The following ZFYVE26 variants were observed in gnomAD, a reference collection of about 807,000 sequenced individuals.
ZFYVE26 encodes the protein zinc finger FYVE domain-containing protein 26.
Under a neutral mutation model 276.5 loss-of-function variants are expected in ZFYVE26, and 181 were observed. The observed-to-expected ratio is 0.65, with a 90% confidence interval of 0.58 to 0.74. The LOEUF is 0.74. Among genes scored for constraint, ZFYVE26 ranks in the 30% least tolerant of loss-of-function variants. The probability of loss-of-function intolerance (pLI) is 0.00; values close to 1 mark genes in which losing one functional copy is unlikely to be tolerated. For missense variants in ZFYVE26, 2,821 were observed against 3,097.9 expected (o/e 0.91, Z 2.12); for synonymous variants, 1,129 against 1,203.1 (o/e 0.94, Z 1.27).
Position 67,753,649 on chromosome 14 carries a change from C to T in ZFYVE26, c.7188+58G>A, listed in dbSNP as rs565275148. On this transcript the variant is annotated intron_variant, in intron 39 of 41. Coordinates refer to ENST00000347230, the MANE Select transcript of ZFYVE26 (RefSeq NM_015346.4). ...GAATTTCCTAAAGAATAATCTCTCCCGGAACTGTGGTCAGGTGCTGATTGT... is the reference window on the plus strand; with the variant it reads ...GAATTTCCTAAAGAATAATCTCTCCTGGAACTGTGGTCAGGTGCTGATTGT... The T allele has an allele frequency of 1.3e-4, 205 of 1,546,970 alleles. No individual in the cohort carries two copies. In the South Asian group the frequency reaches 1.7e-3, roughly 13 times the overall value.
At chr14:67,729,511 C>A in exon 14 of ZFYVE26, 1 of 847,702 alleles carries the variant, frequency 1.2e-6, no homozygotes, top group Non-Finnish European at 1.9e-6. Context: ...GGCCTGCAAA[C>A]AGAATGCCGT....
intron 8 of ZFYVE26, 37 bp downstream of exon 8, chr14:67,805,180 C>T: frequency 3.1e-6 from 5 of 1,598,488 alleles, no homozygotes; most frequent in Middle Eastern, 1.8e-4. Flanking sequence ...TCAGCTGTGC[C>T]CTGTGGTGGG....
rs1298379180 is a variant in ZFYVE26, at chr14:67,781,510, G to T, written c.4392C>A (p.Tyr1464Ter). Residue 1464 changes from tyrosine to a stop codon, truncating the protein, a stop_gained, in exon 22 of 42, where the codon TAC (tyrosine) becomes TAA (stop). Transcript: ENST00000347230. LOFTEE classifies it high-confidence loss of function. ...GAGATGCATCCTTCACGGGAAACAG[G>T]TATTGCCAACCTTCTTTGTCTATAA... ...AVACDKEGWQ[Y>*]LFPVKDASLR... is the part of the protein sequence containing the mutation. The T allele has an allele frequency of 3.1e-6, 5 of 1,614,028 alleles. No individual in the cohort carries two copies. Among genetic ancestry groups the T allele is most frequent in the Non-Finnish European group, 4.2e-6 (5 of 1,180,052 alleles).
intron 34 of ZFYVE26, chr14:67,761,952 A>G (rs1594891841): frequency 5.2e-6 from 3 of 572,486 alleles, no homozygotes; most frequent in East Asian, 6.1e-5. Context: ...GTATGGGATT[A>G]TATGTCATAT....
intron 13 of ZFYVE26, among the ~76,000 whole-genome samples, chr14:67,739,336 C>T (rs1032440245): frequency 1.3e-5 from 2 of 152,166 alleles, no homozygotes; most frequent in Non-Finnish European, 2.9e-5. Context: ...ATCTGGGTTG[C>T]TGATGACGTG....
At position 67,755,941 on chromosome 14, in the gene ZFYVE26, C is replaced by A. The variant is rs2140185324; in HGVS notation, c.6786+7G>T. 6.2e-7 allele frequency: 1 copy of A among 1,614,150 alleles called. No homozygotes were observed. Among genetic ancestry groups the A allele is most frequent in the Non-Finnish European group, 8.5e-7 (1 of 1,180,006 alleles). The stretch of plus-strand genomic sequence containing the variant: ...AGAGGTAGAAGGCAGGAAGGGGCTG[C>A]CATTACCTTCATAAACTGCTGCAGC... On this transcript the variant is annotated splice_region_variant and intron_variant, in intron 36 of 41. Transcript: ENST00000347230.
At chr14:67,808,413 T>C (rs2040229375) in intron 4 of ZFYVE26, among the ~76,000 whole-genome samples, 1 of 152,198 alleles carries the variant, frequency 6.6e-6, no homozygotes, top group Non-Finnish European at 1.5e-5. Context: ...CCTTCTCCAA[T>C]ACCTCCAACC....
Position 67,784,351 on chromosome 14 carries a change from T to C in ZFYVE26, c.3609A>G (p.Arg1203=). The C allele has an allele frequency of 6.2e-7, 1 of 1,614,078 alleles. No homozygotes were observed. The highest frequency in any genetic ancestry group is 2.2e-5 in the East Asian group (1 of 44,876). ...SQLVSHLLFE[R]QVPPERLAAL... ...GCTCCTACCTCTCTGGGGGAACTTG[T>C]CTCTCAAACAGGAGATGTGACACCA... Residue 1203 remains arginine (R), a synonymous_variant, in exon 20 of 42, where the codon AGA becomes AGG. Transcript: ENST00000347230.
chr14:67,754,263 C>T, intron 37 of ZFYVE26, 51 bp from the exon 38 acceptor site: 2 of 1,612,888 alleles, frequency 1.2e-6, no homozygotes, highest in Non-Finnish European at 1.7e-6. Context: ...CCCCAGGTGA[C>T]TGAGGCCAGG....
intron 3 of ZFYVE26, 140 bp from the exon 4 acceptor site, chr14:67,809,429 T>TA (rs2040251707): frequency 2.2e-5 from 15 of 670,598 alleles, no homozygotes; most frequent in Middle Eastern, 4.2e-4. Flanking sequence ...TTTTTTTTTT[T>TA]TTTTTTATTT....
At chr14:67,780,599 G>A (rs575989245) in intron 22 of ZFYVE26, among the ~76,000 whole-genome samples, 1 of 152,310 alleles carries the variant, frequency 6.6e-6, no homozygotes, top group African/African-American at 2.4e-5. Flanking sequence ...TGAAGACAGT[G>A]CTCTCATGCT....
At chr14:67,800,260 A>C (rs2040049378) in intron 10 of ZFYVE26, among the ~76,000 whole-genome samples, 2 of 152,228 alleles carry the variant, frequency 1.3e-5, no homozygotes, top group African/African-American at 4.8e-5. Context: ...GGATGAGAGA[A>C]AAGGGGAAAA....
chr14:67,805,437 T>G lies in ZFYVE26; in HGVS notation c.1182+17A>C. 6.2e-7 allele frequency: 1 copy of G among 1,614,168 alleles called. No individual in the cohort carries two copies. Among genetic ancestry groups the G allele is most frequent in the African/African-American group, 1.3e-5 (1 of 75,058 alleles). On this transcript the variant is annotated intron_variant, in intron 7 of 41. Coordinates refer to ENST00000347230, the MANE Select transcript of ZFYVE26 (RefSeq NM_015346.4). ...CTCTCACTTCCAGAGCAGCCTGGGA[T>G]GCTGAGTGAGAGTTACCTGGGTCCT... is the stretch of plus-strand genomic sequence containing the variant.
At position 67,798,715 on chromosome 14, in the gene ZFYVE26, G is replaced by C. The variant is rs1396283220; in HGVS notation, c.1640-93C>G. ...TTACCTCCCAGCGTCAAACATTCTC[G>C]CAACTTTAGCTCATTTATTTATTTT... On this transcript the variant is annotated intron_variant, in intron 10 of 41. Transcript: ENST00000347230. 7 of 1,486,322 alleles carry C rather than the reference G, an allele frequency of 4.7e-6. No individual in the cohort carries two copies. In the South Asian group the frequency reaches 5.8e-5, roughly 12 times the overall value. The allele number at this position is 1,486,322 out of a possible 1,614,324, so 92.1% of individuals were successfully genotyped here.
intron 8 of ZFYVE26, 58 bp downstream of exon 8, chr14:67,805,159 G>T: frequency 6.5e-7 from 1 of 1,531,686 alleles, no homozygotes; most frequent in Non-Finnish European, 9.0e-7. Context: ...CCACACATGC[G>T]GAGCACAGGG....
chr14:67,729,892 A>C (rs1165717276), intron 13 of ZFYVE26: 1 of 445,532 alleles, frequency 2.2e-6, no homozygotes, highest in Non-Finnish European at 4.5e-6. Flanking sequence ...AGAGTCTGGG[A>C]GTAAAGGGAA....
At chr14:67,796,260 AGGCTAGAGTCCAGT>A (rs2140240695) in intron 12 of ZFYVE26, 1 of 149,170 alleles carries the variant, frequency 6.7e-6, no homozygotes, top group Admixed American at 6.7e-5. Context: ...TCTGTCACCC[AGGCTAGAGTCCAGT>A]GGCACAATCT....
intron 13 of ZFYVE26, chr14:67,734,147 G>A (rs1283377073): frequency 3.0e-6 from 1 of 332,320 alleles, no homozygotes; most frequent in Non-Finnish European, 5.9e-6. Flanking sequence ...TGGCAGAAGA[G>A]CCCGAGAAAT....
At position 67,783,372 on chromosome 14, in the gene ZFYVE26, G is replaced by A. The variant is rs749435914; in HGVS notation, c.3780C>T (p.His1260=). The A allele has an allele frequency of 4.2e-5, 68 of 1,613,902 alleles. No homozygotes were observed. Among genetic ancestry groups the A allele is most frequent in the Middle Eastern group, 1.6e-4 (1 of 6,084 alleles). Reference sequence around the variant, plus strand: ...GGAGGTCATCCAGGCAGTGAGAGGCGTGTAGCTGGGCCAGAGTACCCAGAC... The same window carrying A: ...GGAGGTCATCCAGGCAGTGAGAGGCATGTAGCTGGGCCAGAGTACCCAGAC... The part of the protein sequence containing the change: ...LTRLGTLAQL[H]ASHCLDDLPL... The change falls in exon 21 of 42, where the codon CAC becomes CAT. Residue 1260 remains histidine (H), a synonymous_variant. Transcript: ENST00000347230.
Sources: gnomAD v4.1 joint callset for allele counts (sites outside exome capture counted in the v4.1 genomes callset) on GRCh38, gnomAD v4.1.1 for gene constraint, MANE v1.5 for transcripts, NCBI Gene and HGNC (gene_info 2026-07-23, HGNC 2026-07-21) for gene names.